PAQR8: variants seen among roughly 807,000 people sequenced by gnomAD.
PAQR8 encodes the protein membrane progestin receptor beta.
In PAQR8, 17 loss-of-function variants were observed where a neutral mutation model predicts 25.2. That is an observed-to-expected ratio of 0.67 (90% CI 0.46 to 1.01). The LOEUF is 1.01. Ranked by LOEUF, PAQR8 falls within the 50% of genes least tolerant of loss-of-function variation. The pLI is 0.00. For synonymous variants in PAQR8, 204 were observed against 190.6 expected, an observed-to-expected ratio of 1.07 and a Z score of -0.58; for missense variants, 392 against 448.4, an observed-to-expected ratio of 0.87 and a Z score of 1.14.
chr6:52,400,556 G>T (rs1376664439), intron 1 of PAQR8, among the ~76,000 whole-genome samples: 6 of 152,208 alleles, frequency 3.9e-5, no homozygotes, highest in Non-Finnish European at 7.3e-5. Context: ...AATGACTTCA[G>T]ATACTCCAGG....
chr6:52,375,285 A>G (rs1414352595), intron 1 of PAQR8, among the ~76,000 whole-genome samples: 1 of 152,106 alleles, frequency 6.6e-6, no homozygotes, highest in African/African-American at 2.4e-5. Context: ...TGATTTCAGG[A>G]AGCCATTACC....
In PAQR8 at chr6:52,403,278, T is replaced by G. The variant is rs1387685589; in HGVS notation, c.65T>G (p.Leu22Arg). ...LSVSGQQLRRLPKILEDGLPK... is the reference protein window; with the variant it reads ...LSVSGQQLRRRPKILEDGLPK... ...GTCAGCGGGCAGCAGCTGCGCCGCC[T>G]GCCCAAGATCCTGGAGGATGGGCTT... The change falls in exon 2 of 2, where the codon CTG becomes CGG. Residue 22 changes from leucine to arginine, a missense_variant. Physicochemically the swap from Leu to Arg is moderately radical, Grantham distance 102. Coordinates refer to ENST00000442253, the MANE Select transcript of PAQR8 (RefSeq NM_133367.5). The G allele has an allele frequency of 5.0e-6, 8 of 1,612,642 alleles. No homozygotes were observed. Among genetic ancestry groups the G allele is most frequent in the Non-Finnish European group, 6.8e-6 (8 of 1,178,928 alleles).
chr6:52,404,251 G>A lies in PAQR8; in HGVS notation c.1038G>A (p.Lys346=). ...ATAALLRHKV[K]ARLTKKDS The stretch of plus-strand genomic sequence containing the variant: ...CAGCCCTTCTGAGGCACAAAGTCAA[G>A]GCCAGACTGACCAAGAAAGATTCCT... The change falls in exon 2 of 2, where the codon AAG becomes AAA. Residue 346 remains lysine (K), a synonymous_variant. Transcript: ENST00000442253. 6.2e-7 allele frequency: 1 copy of A among 1,602,400 alleles called. No individual in the cohort carries two copies. Among genetic ancestry groups the A allele is most frequent in the Non-Finnish European group, 8.5e-7 (1 of 1,170,584 alleles).
intron 1 of PAQR8, among the ~76,000 whole-genome samples, chr6:52,389,613 A>G (rs1171123250): frequency 6.6e-6 from 1 of 152,270 alleles, no homozygotes; most frequent in Admixed American, 6.5e-5. Flanking sequence ...AATGAAGAAT[A>G]AAGTGACTTG....
chr6:52,392,343 C>T (rs79835272), intron 1 of PAQR8, among the ~76,000 whole-genome samples: 1 of 109,364 alleles, frequency 9.1e-6, no homozygotes, highest in Non-Finnish European at 1.9e-5. Context: ...GACTCCATCT[C>T]AAAAAAAAAA....
intron 1 of PAQR8, among the ~76,000 whole-genome samples, chr6:52,393,335 T>C (rs75952304): frequency 5.5e-4 from 53 of 95,784 alleles, no homozygotes; most frequent in African/African-American, 1.0e-3. Context: ...TTCTCTCTCT[T>C]TTTTTTTTTT....
rs1430309235 is a variant in PAQR8, at chr6:52,404,306, G to A, written c.*28G>A. 1.3e-6 allele frequency: 2 copies of A among 1,522,858 alleles called. No individual in the cohort carries two copies. Among genetic ancestry groups the A allele is most frequent in the African/African-American group, 1.4e-5 (1 of 72,096 alleles). 94.3% of individuals were successfully genotyped at this position (1,522,858 alleles called of 1,614,324 possible). A position where few individuals can be genotyped will look rare whatever the true frequency, so the allele number is the denominator to read the frequency against. ...CTGGCAAGTGGGGCAACGTGTGGAG[G>A]AAGCCCCTCATAATTTGGAGAAAAC... is the stretch of plus-strand genomic sequence containing the variant. On this transcript the variant is annotated 3_prime_UTR_variant, in exon 2 of 2. Coordinates refer to ENST00000442253, the MANE Select transcript of PAQR8 (RefSeq NM_133367.5).
intron 1 of PAQR8, among the ~76,000 whole-genome samples, chr6:52,390,419 C>T (rs965804075): frequency 4.8e-4 from 73 of 152,158 alleles, no homozygotes. Flanking sequence ...TTTTCTTTCT[C>T]CTCTTAGGAA....
chr6:52,368,423 T>A (rs779976079), intron 1 of PAQR8, among the ~76,000 whole-genome samples: 2 of 152,136 alleles, frequency 1.3e-5, no homozygotes, highest in Non-Finnish European at 2.9e-5. Context: ...CAGATTTTTT[T>A]AATTTTTGGG....
At chr6:52,363,494 T>G (rs898072590) in intron 1 of PAQR8, among the ~76,000 whole-genome samples, 30 of 152,190 alleles carry the variant, frequency 2.0e-4, no homozygotes, top group Non-Finnish European at 3.2e-4. Flanking sequence ...GTATGTGTGA[T>G]TTTTAGACCC....
intron 1 of PAQR8, among the ~76,000 whole-genome samples, chr6:52,366,754 ATTCT>A (rs1393983270): frequency 6.6e-6 from 1 of 151,656 alleles, no homozygotes; most frequent in African/African-American, 2.4e-5. Flanking sequence ...TGGAGCCATG[ATTCT>A]TTTTTTTTTG....
rs1763917820 is a variant in PAQR8, at chr6:52,406,947, T to G, written c.*2669T>G. 2.7e-5 allele frequency: 5 copies of G among 182,512 alleles called. No homozygotes were observed. The Admixed American group carries it at 3.2e-4, about 12-fold the overall frequency. 11.3% of individuals were successfully genotyped at this position (182,512 alleles called of 1,614,324 possible). On this transcript the variant is annotated 3_prime_UTR_variant, in exon 2 of 2. Transcript: ENST00000442253. ...ATGCCCTCAGAATATCAGAATCTTC[T>G]TAGAAATAAACTAGGAAATGCAGAT...
At chr6:52,383,749 A>AAG (rs1034903772) in intron 1 of PAQR8, among the ~76,000 whole-genome samples, 4 of 151,656 alleles carry the variant, frequency 2.6e-5, no homozygotes, top group African/African-American at 9.7e-5. Flanking sequence ...TTGCTCTTTT[A>AAG]TTCTGCATGA....
chr6:52,396,964 C>G (rs906102244), intron 1 of PAQR8, among the ~76,000 whole-genome samples: 2 of 151,984 alleles, frequency 1.3e-5, no homozygotes, highest in African/African-American at 4.8e-5. Context: ...AGCTAAGGGC[C>G]TGGGAGAAGT....
intron 1 of PAQR8, among the ~76,000 whole-genome samples, chr6:52,384,786 G>T (rs543405315): frequency 2.0e-5 from 3 of 152,218 alleles, no homozygotes; most frequent in Non-Finnish European, 4.4e-5. Flanking sequence ...GTAACCAAAA[G>T]GCTACAGTAG....
intron 1 of PAQR8, among the ~76,000 whole-genome samples, chr6:52,377,674 G>A (rs940864247): frequency 1.3e-5 from 2 of 151,482 alleles, no homozygotes; most frequent in African/African-American, 4.8e-5. Flanking sequence ...CTTCCCAAAA[G>A]CCTAGGAAGT....
chr6:52,368,226 G>A (rs1037388644), intron 1 of PAQR8, among the ~76,000 whole-genome samples: 4 of 152,188 alleles, frequency 2.6e-5, no homozygotes, highest in Non-Finnish European at 4.4e-5. Context: ...TGGGCACAGA[G>A]AATGTTTAGC....
At position 52,379,619 on chromosome 6, in the gene PAQR8, C is replaced by CTTTTTTTTTTTTTTTTTTTTTT. The variant is rs909812638; in HGVS notation, c.-53+17374_-53+17395dup. On this transcript the variant is annotated intron_variant, in intron 1 of 1. Coordinates refer to ENST00000442253, the MANE Select transcript of PAQR8 (RefSeq NM_133367.5). ...GGTGCGTACCGCCACACCCAGCTTT[C>CTTTTTTTTTTTTTTTTTTTTTT]TTTTTTTTTTTTTTTTTTTTTTTTT... Among the ~76,000 whole-genome samples the CTTTTTTTTTTTTTTTTTTTTTT allele has an allele frequency of 5.8e-4, 45 of 77,228 alleles. 4 individuals are homozygous for CTTTTTTTTTTTTTTTTTTTTTT. Among genetic ancestry groups the CTTTTTTTTTTTTTTTTTTTTTT allele is most frequent in the Non-Finnish European group, 9.8e-4 (39 of 39,770 alleles). The allele number at this position is 77,228 out of a possible 152,430, so 50.7% of individuals were successfully genotyped here. A position where few individuals can be genotyped will look rare whatever the true frequency, so the allele number is the denominator to read the frequency against.
At position 52,406,855 on chromosome 6, in the gene PAQR8, G is replaced by A. The variant is rs562673283; in HGVS notation, c.*2577G>A. On this transcript the variant is annotated 3_prime_UTR_variant, in exon 2 of 2. Transcript: ENST00000442253. ...TGGGATTACAGACATTAGCCATCACGCCTGCCCTAGAAACAGTTTTTTAAT... is the reference window on the plus strand; with the variant it reads ...TGGGATTACAGACATTAGCCATCACACCTGCCCTAGAAACAGTTTTTTAAT... 3.4e-4 allele frequency: 101 copies of A among 295,384 alleles called. 1 individual carries two copies. The highest frequency in any genetic ancestry group is 2.0e-3 in the African/African-American group (93 of 46,000). The allele number at this position is 295,384 out of a possible 1,614,324, so 18.3% of individuals were successfully genotyped here. A position where few individuals can be genotyped will look rare whatever the true frequency, so the allele number is the denominator to read the frequency against.
Sources: gnomAD v4.1 joint callset for allele counts (sites outside exome capture counted in the v4.1 genomes callset) on GRCh38, gnomAD v4.1.1 for gene constraint, MANE v1.5 for transcripts, NCBI Gene and HGNC (gene_info 2026-07-23, HGNC 2026-07-21) for gene names.